ASTN2: variants seen among roughly 807,000 people sequenced by gnomAD.
ASTN2 encodes the protein astrotactin 2, also known as astrotactin-2.
A neutral mutation model predicts 139.8 loss-of-function variants in ASTN2; 54 were observed. The observed-to-expected ratio is 0.39, with a 90% CI of 0.31 to 0.48. The LOEUF is 0.48. Ranked by LOEUF, ASTN2 falls within the 20% of genes least tolerant of loss-of-function variation. ASTN2 has a pLI of 0.95. For synonymous variants in ASTN2, 756 were observed against 719.5 expected, an observed-to-expected ratio of 1.05 and a Z score of -0.81; for missense variants, 1,565 against 1,725.1, an observed-to-expected ratio of 0.91 and a Z score of 1.64.
chr9:116,968,127 C>T (rs1836071517), intron 10 of ASTN2, among the ~76,000 whole-genome samples: 1 of 152,222 alleles, frequency 6.6e-6, no homozygotes, highest in African/African-American at 2.4e-5. Context: ...AAATCTCCAA[C>T]TTCCTGGTTC....
At chr9:117,375,258 A>G (rs1214253624) in intron 1 of ASTN2, among the ~76,000 whole-genome samples, 4 of 152,168 alleles carry the variant, frequency 2.6e-5, no homozygotes, top group African/African-American at 9.7e-5. Context: ...CCTTGCCTGA[A>G]TTTGTGTTTG....
chr9:117,070,572 G>T (rs1210524804), intron 5 of ASTN2, among the ~76,000 whole-genome samples: 1 of 142,706 alleles, frequency 7.0e-6, no homozygotes, highest in Non-Finnish European at 1.5e-5. Context: ...GCTAGATTGG[G>T]GAAGTTCTCC....
chr9:116,483,511 A>C (rs1849239754), intron 20 of ASTN2, among the ~76,000 whole-genome samples: 1 of 152,196 alleles, frequency 6.6e-6, no homozygotes, highest in South Asian at 2.1e-4. Flanking sequence ...AGTAAAAAAT[A>C]GGACCAAGAA....
chr9:116,815,816 A>AAAAAAAAAAAAAAAC (rs1564283204), intron 12 of ASTN2, among the ~76,000 whole-genome samples: 4 of 140,980 alleles, frequency 2.8e-5, no homozygotes, highest in African/African-American at 1.2e-4. Flanking sequence ...AAAAAAAAAA[A>AAAAAAAAAAAAAAAC]AAAAAAAAAA....
intron 19 of ASTN2, among the ~76,000 whole-genome samples, chr9:116,576,627 C>T (rs909931315): frequency 6.6e-5 from 10 of 152,162 alleles, no homozygotes; most frequent in Admixed American, 5.9e-4. Flanking sequence ...CTAGCAAGAA[C>T]GGCCCTGCTG....
At chr9:116,960,034 T>C (rs1030658936) in intron 10 of ASTN2, among the ~76,000 whole-genome samples, 2 of 152,136 alleles carry the variant, frequency 1.3e-5, no homozygotes, top group African/African-American at 2.4e-5. Context: ...GATTTATGCC[T>C]GTCTCGCTGG....
At chr9:116,658,581 A>G (rs575397785) in intron 16 of ASTN2, among the ~76,000 whole-genome samples, 2 of 152,242 alleles carry the variant, frequency 1.3e-5, no homozygotes, top group East Asian at 3.9e-4. Context: ...AGGTCTTACG[A>G]GAAGTCCCAA....
intron 3 of ASTN2, among the ~76,000 whole-genome samples, chr9:117,171,998 G>A (rs1186784365): frequency 6.6e-6 from 1 of 152,128 alleles, no homozygotes. Flanking sequence ...CAAACATGAT[G>A]TTTTGAGTGA....
At chr9:116,496,905 C>T (rs927295188) in intron 19 of ASTN2, among the ~76,000 whole-genome samples, 2 of 152,128 alleles carry the variant, frequency 1.3e-5, no homozygotes, top group Non-Finnish European at 2.9e-5. Context: ...AACCTGCCCC[C>T]ATGATTCAAT....
intron 10 of ASTN2, among the ~76,000 whole-genome samples, chr9:116,964,243 G>T (rs1169782390): frequency 4.4e-5 from 6 of 137,058 alleles, no homozygotes; most frequent in Non-Finnish European, 9.5e-5. Context: ...GTGTGTGTGT[G>T]TGTGTGTGTG....
chr9:117,170,146 T>C (rs928026156), intron 3 of ASTN2, among the ~76,000 whole-genome samples: 2 of 152,112 alleles, frequency 1.3e-5, no homozygotes, highest in Non-Finnish European at 2.9e-5. Flanking sequence ...ATAGCAAGTA[T>C]TTAATAGTAA....
rs577841846 is a variant in ASTN2 at position 116,813,882 on chromosome 9, A to T, written c.2207+6735T>A. Among the ~76,000 whole-genome samples, 10 of 151,990 alleles carry T rather than the reference A, an allele frequency of 6.6e-5. No homozygotes were observed. In the South Asian group the frequency reaches 1.5e-3, roughly 22 times the overall value. On this transcript the variant is annotated intron_variant, in intron 12 of 22. Transcript: ENST00000313400. ...AAACCCCATCTCTACTAAAAATACAATAAATTAGCTGGGTGTGGTGGTGAG... is the reference window on the plus strand; with the variant it reads ...AAACCCCATCTCTACTAAAAATACATTAAATTAGCTGGGTGTGGTGGTGAG...
In ASTN2 at chr9:117,048,963, C is replaced by CTTTTTTTTTTTTTTTTTTTTTTTTT. The variant is rs372277811; in HGVS notation, c.1277-8999_1277-8998insAAAAAAAAAAAAAAAAAAAAAAAAA. 1.5e-4 allele frequency among the ~76,000 whole-genome samples: 13 copies of CTTTTTTTTTTTTTTTTTTTTTTTTT among 89,030 alleles called. 1 individual carries two copies. The highest frequency in any genetic ancestry group is 7.2e-4 in the East Asian group (2 of 2,788). The allele number at this position is 89,030 out of a possible 152,430, so 58.4% of individuals were successfully genotyped here. On this transcript the variant is annotated intron_variant, in intron 5 of 22. Coordinates refer to ENST00000313400, the MANE Select transcript of ASTN2 (RefSeq NM_001365068.1). Reference sequence around the variant, plus strand: ...GTGCGCTCTGATTCTTCATCCATTGCTTTTTTTTTTTTTTTTTGAGACGGA... The same window carrying CTTTTTTTTTTTTTTTTTTTTTTTTT: ...GTGCGCTCTGATTCTTCATCCATTGCTTTTTTTTTTTTTTTTTTTTTTTTTTTTTTTTTTTTTTTTTTGAGACGGA...
chr9:116,588,859 A>G (rs1021598943), intron 19 of ASTN2, among the ~76,000 whole-genome samples: 1 of 152,200 alleles, frequency 6.6e-6, no homozygotes, highest in African/African-American at 2.4e-5. Flanking sequence ...TAAATAAAGA[A>G]AAAGAGGTTA....
At chr9:117,325,695 C>T (rs1306165973) in intron 1 of ASTN2, among the ~76,000 whole-genome samples, 1 of 152,106 alleles carries the variant, frequency 6.6e-6, no homozygotes, top group Non-Finnish European at 1.5e-5. Flanking sequence ...CAAGATAATG[C>T]CACTTTCCCT....
chr9:116,670,263 G>C (rs528889868), intron 16 of ASTN2, among the ~76,000 whole-genome samples: 1 of 152,274 alleles, frequency 6.6e-6, no homozygotes, highest in South Asian at 2.1e-4. Flanking sequence ...CTTAGAACAT[G>C]GTAAGGAATC....
At chr9:117,007,278 A>G (rs1837382978) in intron 7 of ASTN2, among the ~76,000 whole-genome samples, 1 of 152,112 alleles carries the variant, frequency 6.6e-6, no homozygotes, top group Non-Finnish European at 1.5e-5. Flanking sequence ...CTACACCGGC[A>G]TCTATCATCA....
chr9:116,967,641 G>T (rs761428907), intron 10 of ASTN2, among the ~76,000 whole-genome samples: 1 of 152,194 alleles, frequency 6.6e-6, no homozygotes, highest in Non-Finnish European at 1.5e-5. Context: ...TAAGAGAGCT[G>T]CAAGGGCAAG....
At chr9:117,135,210 C>T (rs75753394) in intron 4 of ASTN2, among the ~76,000 whole-genome samples, 257 of 152,336 alleles carry the variant, frequency 1.7e-3, no homozygotes, top group Non-Finnish European at 2.6e-3. Flanking sequence ...AATGTGGGCT[C>T]TGAATTCATA....
Sources: allele counts gnomAD v4.1 joint callset (sites outside exome capture counted in the v4.1 genomes callset), GRCh38; gene constraint gnomAD v4.1.1; transcripts MANE v1.5; gene names NCBI Gene and HGNC (gene_info 2026-07-23, HGNC 2026-07-21).